Variants in DDHD2 observed in about 807,000 individuals in gnomAD.
DDHD2 encodes the protein DDHD domain containing 2, also known as triacylglycerol hydrolase DDHD2.
In DDHD2, 62 loss-of-function variants were observed where a neutral mutation model predicts 91.2. The ratio of observed to expected loss-of-function variants is 0.68; its 90% CI spans 0.55 to 0.84. The LOEUF (loss-of-function observed/expected upper bound fraction) is 0.84, where lower values mean the gene tolerates loss of function less well. DDHD2 is among the 40% of genes least tolerant of loss of function. The probability of loss-of-function intolerance (pLI) is 0.00; values close to 1 mark genes in which losing one functional copy is unlikely to be tolerated. For synonymous variants in DDHD2, 271 were observed against 293.9 expected (o/e 0.92, Z 0.80); for missense variants, 740 against 846.9 (o/e 0.87, Z 1.57).
rs754698552 is a variant in DDHD2 at position 38,253,020 on chromosome 8, G to A, written c.1784G>A (p.Arg595Gln). The A allele has an allele frequency of 1.2e-5, 20 of 1,613,976 alleles. No homozygotes were observed. The highest frequency in any genetic ancestry group is 4.4e-5 in the South Asian group (4 of 91,094). ...DLKNNLLGSL[R>Q]MAWKSFTRAP... ...AAGAACAACTTGCTAGGTTCGCTGC[G>A]GATGGCCTGGAAGTCTTTTACCAGA... The change falls in exon 15 of 18, where the codon CGG (arginine) becomes CAG (glutamine). Residue 595 changes from arginine (R) to glutamine (Q), a missense_variant. Coordinates refer to ENST00000397166, the MANE Select transcript of DDHD2 (RefSeq NM_015214.3).
chr8:38,252,801 A>G lies in DDHD2; in HGVS notation c.1697A>G (p.Lys566Arg). The G allele has an allele frequency of 6.2e-7, 1 of 1,614,180 alleles. No individual in the cohort carries two copies. The highest frequency in any genetic ancestry group is 8.5e-7 in the Non-Finnish European group (1 of 1,180,026). ...GAGCCAATGCTGATCCCACATCATAAAGGCAGGAAGCGGATGCACTTAGGT... is the reference window on the plus strand; with the variant it reads ...GAGCCAATGCTGATCCCACATCATAGAGGCAGGAAGCGGATGCACTTAGGT... ...EFEPMLIPHH[K>R]GRKRMHLELR... The change falls in exon 14 of 18, where the codon AAA (lysine) becomes AGA (arginine). Residue 566 changes from lysine (K) to arginine (R), a missense_variant. Physicochemically the swap from Lys to Arg is conservative, Grantham distance 26. This residue lies in a region of DDHD2 where 693 missense variants were observed against 764.2 expected (regional missense o/e 0.91). Transcript: ENST00000397166.
At chr8:38,252,111 C>G in intron 12 of DDHD2, 21 bp from the exon 13 acceptor site, 4 of 1,612,530 alleles carry the variant, frequency 2.5e-6, no homozygotes, top group Non-Finnish European at 3.4e-6. Context: ...ATGAGAGATG[C>G]TTTTATTTTC....
rs761645619 is a variant in DDHD2 at position 38,252,049 on chromosome 8, A to G, written c.1461+21A>G. 21 of 1,612,762 alleles carry G rather than the reference A, an allele frequency of 1.3e-5. No individual in the cohort carries two copies. The Admixed American group carries it at 3.0e-4, about 23-fold the overall frequency. On this transcript the variant is annotated intron_variant, in intron 12 of 17. Coordinates refer to ENST00000397166, the MANE Select transcript of DDHD2 (RefSeq NM_015214.3). ...GGCAGGTAACTAATTCTCTTTGATC[A>G]TTTTACAGCCTGCTATTTGTATGGT...
rs1360272932 is a variant in DDHD2 at position 38,253,102 on chromosome 8, T to C, written c.1866T>C (p.Pro622=). 2 of 1,613,784 alleles carry C rather than the reference T, an allele frequency of 1.2e-6. No individual in the cohort carries two copies. The highest frequency in any genetic ancestry group is 1.7e-6 in the Non-Finnish European group (2 of 1,179,904). ...SETPEETEAE[P]ESTSEKPSDV... ...CACCAGAAGAAACTGAAGCAGAACC[T>C]GAATCAACTTCAGAGAAGCCTAGTG... The change falls in exon 15 of 18, where the codon CCT becomes CCC. Residue 622 remains proline (P), a synonymous_variant. Coordinates refer to ENST00000397166, the MANE Select transcript of DDHD2 (RefSeq NM_015214.3).
chr8:38,268,837 A>G (rs1808176916), intron 1 of DDHD2: 2 of 1,490,752 alleles, frequency 1.3e-6, no homozygotes, highest in Non-Finnish European at 1.8e-6. Context: ...GCCCGCGGGA[A>G]GCCGGGTCAT....
intron 3 of DDHD2, among the ~76,000 whole-genome samples, chr8:38,237,301 G>A (rs535753425): frequency 2.0e-5 from 3 of 152,134 alleles, no homozygotes; most frequent in South Asian, 2.1e-4. Flanking sequence ...GCTTGAACCT[G>A]GGGGGCGGAG....
downstream of DDHD2, chr8:38,271,776 A>G (rs912272741): frequency 6.6e-6 from 1 of 152,222 alleles, no homozygotes; most frequent in African/African-American, 2.4e-5. Flanking sequence ...CTCATATGGA[A>G]GTATAGAATG....
At chr8:38,269,338 C>CG in intron 1 of DDHD2, 1 of 894,038 alleles carries the variant, frequency 1.1e-6, no homozygotes, top group South Asian at 2.2e-5. Flanking sequence ...GCGGCTGTGC[C>CG]GAGGGCATCG....
At position 38,252,985 on chromosome 8, in the gene DDHD2, T is replaced by C. The variant is rs760786433; in HGVS notation, c.1749T>C (p.Ser583=). The C allele has an allele frequency of 6.2e-7, 1 of 1,614,106 alleles. No homozygotes were observed. The highest frequency in any genetic ancestry group is 1.7e-5 in the Admixed American group (1 of 59,996). ...LELREGLTRM[S]MDLKNNLLGS... Reference sequence around the variant, plus strand: ...TGAGAGAGGGCTTGACCAGGATGAGTATGGACCTTAAGAACAACTTGCTAG... The same window carrying C: ...TGAGAGAGGGCTTGACCAGGATGAGCATGGACCTTAAGAACAACTTGCTAG... Residue 583 remains serine, a synonymous_variant, in exon 15 of 18, where the codon AGT becomes AGC. Transcript: ENST00000397166.
downstream of DDHD2, chr8:38,263,812 C>T (rs1483888879): frequency 1.1e-5 from 11 of 984,816 alleles, no homozygotes; most frequent in Non-Finnish European, 1.3e-5. Context: ...TATGTAAAGG[C>T]TTCTTTGTGA....
At chr8:38,254,305 AAT>A (rs1252589674) in intron 16 of DDHD2, among the ~76,000 whole-genome samples, 1 of 152,184 alleles carries the variant, frequency 6.6e-6, no homozygotes, top group Non-Finnish European at 1.5e-5. Flanking sequence ...AACTGGAACA[AAT>A]ATTACTGTTG....
At chr8:38,244,286 G>T (rs1447788600) in intron 7 of DDHD2, among the ~76,000 whole-genome samples, 2 of 150,706 alleles carry the variant, frequency 1.3e-5, no homozygotes, top group Non-Finnish European at 3.0e-5. Context: ...TTTTTGAGAT[G>T]GAGTGTCGCT....
chr8:38,264,358 C>G (rs1377247567), downstream of DDHD2: 2 of 1,122,992 alleles, frequency 1.8e-6, no homozygotes, highest in Non-Finnish European at 2.4e-6. Flanking sequence ...CCAGGCTGGT[C>G]CTGACCTCAG....
At chr8:38,247,674 T>C in intron 9 of DDHD2, 39 bp from the exon 10 acceptor site, 4 of 1,345,464 alleles carry the variant, frequency 3.0e-6, no homozygotes, top group Non-Finnish European at 4.0e-6. Context: ...GGAAACTAAA[T>C]GAATTTCAAG....
At chr8:38,268,594 C>T (rs1442262892) in intron 1 of DDHD2, 1 of 1,452,456 alleles carries the variant, frequency 6.9e-7, no homozygotes, top group Non-Finnish European at 9.1e-7. Context: ...TAACCGGGCG[C>T]CAGGCAGCGC....
Position 38,240,337 on chromosome 8 carries a change from C to A in DDHD2, c.685C>A (p.Leu229Ile). ...CCATGGGATTGGACCAGCTTGTGATCTCCGCTTTCGAAGCATTGTACAGTG... is the reference window on the plus strand; with the variant it reads ...CCATGGGATTGGACCAGCTTGTGATATCCGCTTTCGAAGCATTGTACAGTG... Reference protein sequence around the residue: ...VVHGIGPACDLRFRSIVQCVN... With the variant: ...VVHGIGPACDIRFRSIVQCVN... Residue 229 changes from leucine (L) to isoleucine (I), a missense_variant, in exon 6 of 18, where the codon CTC (leucine) becomes ATC (isoleucine). This residue lies in a region of DDHD2 where 693 missense variants were observed against 764.2 expected (regional missense o/e 0.91). Coordinates refer to ENST00000397166, the MANE Select transcript of DDHD2 (RefSeq NM_015214.3). 1 of 1,610,546 alleles carries A rather than the reference C, an allele frequency of 6.2e-7. No individual in the cohort carries two copies. The highest frequency in any genetic ancestry group is 1.1e-5 in the South Asian group (1 of 90,716).
intron 7 of DDHD2, among the ~76,000 whole-genome samples, chr8:38,244,368 T>C (rs1805462803): frequency 6.6e-6 from 1 of 151,930 alleles, no homozygotes; most frequent in African/African-American, 2.4e-5. Context: ...GTTCCAGCAA[T>C]TCTCCTGCCT....
At chr8:38,269,267 C>T in intron 1 of DDHD2, 3 of 1,349,618 alleles carry the variant, frequency 2.2e-6, no homozygotes, top group Non-Finnish European at 2.9e-6. Flanking sequence ...GGGCCGGGAA[C>T]TGGGCACCGC....
chr8:38,251,400 G>T (rs1806097934), intron 11 of DDHD2: 1 of 152,682 alleles, frequency 6.5e-6, no homozygotes, highest in Non-Finnish European at 1.5e-5. Context: ...TAAAGACTCA[G>T]TTCTTGGCCC....
Sources: allele counts gnomAD v4.1 joint callset (sites outside exome capture counted in the v4.1 genomes callset), GRCh38; gene constraint gnomAD v4.1.1; regional missense constraint gnomAD v4.1.1; transcripts MANE v1.5; gene names NCBI Gene and HGNC (gene_info 2026-07-23, HGNC 2026-07-21).